Variants in DPYD observed in about 807,000 individuals in gnomAD.
The protein encoded by DPYD is dihydropyrimidine dehydrogenase [NADP(+)].
DPYD carries 109 observed loss-of-function variants against 116.2 expected under a neutral mutation model. That is an observed-to-expected ratio of 0.94 (90% CI 0.80 to 1.10). The LOEUF is 1.10. DPYD is among the 50% of genes least tolerant of loss of function. The pLI is 0.00. For missense variants in DPYD, 1,302 were observed against 1,254.5 expected (o/e 1.04, Z -0.57); for synonymous variants, 440 against 432.0 (o/e 1.02, Z -0.23).
At chr1:97,779,300 AAC>A (rs889732797) in intron 3 of DPYD, among the ~76,000 whole-genome samples, 7 of 78,576 alleles carry the variant, frequency 8.9e-5, no homozygotes, top group African/African-American at 2.0e-4. Context: ...TAATTTTGCA[AAC>A]ACACACACAC....
At chr1:97,313,391 A>G (rs866163229) in intron 16 of DPYD, among the ~76,000 whole-genome samples, 1 of 151,964 alleles carries the variant, frequency 6.6e-6, no homozygotes, top group African/African-American at 2.4e-5. Context: ...TTAAAAACAT[A>G]AAGCAAAATA....
intron 14 of DPYD, among the ~76,000 whole-genome samples, chr1:97,405,152 A>C (rs900680904): frequency 1.3e-5 from 2 of 152,076 alleles, no homozygotes; most frequent in African/African-American, 4.8e-5. Flanking sequence ...ATAAGCACAT[A>C]TATTATACGT....
chr1:97,485,303 G>T (rs764513294), intron 13 of DPYD, among the ~76,000 whole-genome samples: 1 of 152,172 alleles, frequency 6.6e-6, no homozygotes, highest in Non-Finnish European at 1.5e-5. Flanking sequence ...CCGGGTTCAA[G>T]CAATTTTCAT....
chr1:97,169,071 C>T (rs551777167), intron 20 of DPYD, among the ~76,000 whole-genome samples: 1 of 152,030 alleles, frequency 6.6e-6, no homozygotes, highest in East Asian at 1.9e-4. Context: ...TAGTCTCGAA[C>T]TCCTGACCTC....
chr1:97,552,641 T>G (rs17116909), intron 11 of DPYD, among the ~76,000 whole-genome samples: 7,652 of 152,148 alleles, frequency 0.05, 277 homozygotes, highest in Middle Eastern at 0.085. Context: ...ATTTATTTAT[T>G]CTGTGAAGTC....
At chr1:97,654,710 T>G (rs904305037) in intron 8 of DPYD, among the ~76,000 whole-genome samples, 3 of 152,146 alleles carry the variant, frequency 2.0e-5, no homozygotes, top group Admixed American at 1.3e-4. Flanking sequence ...TAAATAATAA[T>G]TAAAAATAAC....
chr1:97,716,855 A>G (rs1413308932), intron 5 of DPYD, among the ~76,000 whole-genome samples: 2 of 152,094 alleles, frequency 1.3e-5, no homozygotes. Context: ...CATTTTATCT[A>G]TAATATATGT....
intron 20 of DPYD, among the ~76,000 whole-genome samples, chr1:97,122,967 A>C (rs973653242): frequency 2.0e-5 from 3 of 152,092 alleles, no homozygotes; most frequent in Non-Finnish European, 4.4e-5. Flanking sequence ...AATTAAATAT[A>C]AGGTTGCCTA....
chr1:97,183,070 T>G (rs748465660), intron 20 of DPYD, among the ~76,000 whole-genome samples: 3 of 151,660 alleles, frequency 2.0e-5, no homozygotes, highest in Non-Finnish European at 4.4e-5. Context: ...GTATGGTTAG[T>G]GTTTTTTTGG....
chr1:97,439,325 T>C (rs566233908), intron 14 of DPYD, among the ~76,000 whole-genome samples: 2 of 152,174 alleles, frequency 1.3e-5, no homozygotes, highest in African/African-American at 2.4e-5. Context: ...CTGAAAGGTA[T>C]GTATAGAACT....
chr1:97,344,550 A>G (rs1001721029), intron 16 of DPYD, among the ~76,000 whole-genome samples: 2 of 151,724 alleles, frequency 1.3e-5, no homozygotes, highest in Non-Finnish European at 2.9e-5. Flanking sequence ...TTATTTTAAC[A>G]TTCAATTTTT....
chr1:97,641,139 C>G (rs886207902), intron 8 of DPYD, among the ~76,000 whole-genome samples: 1 of 152,080 alleles, frequency 6.6e-6, no homozygotes, highest in Non-Finnish European at 1.5e-5. Context: ...GGGGAACATA[C>G]CAAATGATCA....
intron 14 of DPYD, among the ~76,000 whole-genome samples, chr1:97,421,741 C>T (rs1459045962): frequency 6.6e-6 from 1 of 152,136 alleles, no homozygotes; most frequent in Non-Finnish European, 1.5e-5. Context: ...GGTGGAAACA[C>T]ACCATTCAAA....
chr1:97,188,409 T>C (rs1658144223), intron 20 of DPYD, among the ~76,000 whole-genome samples: 1 of 152,164 alleles, frequency 6.6e-6, no homozygotes. Context: ...TCCTCCTAAA[T>C]AAGGACACAA....
intron 16 of DPYD, among the ~76,000 whole-genome samples, chr1:97,362,563 C>T (rs1423034375): frequency 6.6e-6 from 1 of 152,138 alleles, no homozygotes; most frequent in Non-Finnish European, 1.5e-5. Context: ...TATTACAAGG[C>T]TACAGTAACC....
chr1:97,173,454 AG>A (rs1657004624), intron 20 of DPYD, among the ~76,000 whole-genome samples: 2 of 133,416 alleles, frequency 1.5e-5, no homozygotes, highest in African/African-American at 6.1e-5. Flanking sequence ...ATGTAAAATG[AG>A]TATATATATA....
intron 16 of DPYD, among the ~76,000 whole-genome samples, chr1:97,333,769 C>G (rs576612830): frequency 9.3e-4 from 142 of 152,110 alleles, no homozygotes; most frequent in Non-Finnish European, 1.4e-3. Flanking sequence ...ATCCACCCGC[C>G]TCGGCCTCCC....
chr1:97,667,791 T>A (rs1659644280), intron 8 of DPYD, among the ~76,000 whole-genome samples: 1 of 152,210 alleles, frequency 6.6e-6, no homozygotes, highest in South Asian at 2.1e-4. Flanking sequence ...TTATTCCCAA[T>A]ATCCAAAAGT....
In DPYD at chr1:97,726,309, G is replaced by A. The variant is rs1053173279; in HGVS notation, c.322-4638C>T. On this transcript the variant is annotated intron_variant, in intron 4 of 22. Coordinates refer to ENST00000370192, the MANE Select transcript of DPYD (RefSeq NM_000110.4). ...TTGTATTTAAAGAATACCTTAGTAT[G>A]ATAATAAAAAGACACAGTCATCTCC... Among the ~76,000 whole-genome samples, 4 of 151,698 alleles carry A rather than the reference G, an allele frequency of 2.6e-5. No homozygotes were observed. In the East Asian group the frequency reaches 7.7e-4, roughly 29 times the overall value.
Sources: allele counts gnomAD v4.1 joint callset (sites outside exome capture counted in the v4.1 genomes callset), GRCh38; gene constraint gnomAD v4.1.1; transcripts MANE v1.5; gene names NCBI Gene and HGNC (gene_info 2026-07-23, HGNC 2026-07-21).